ITGA8: variants seen among roughly 807,000 people sequenced by gnomAD.
ITGA8 encodes integrin subunit alpha 8.
ITGA8 carries 91 observed loss-of-function variants against 142.3 expected under a neutral mutation model. The observed-to-expected ratio is 0.64, with a 90% CI of 0.54 to 0.76. The LOEUF is 0.76. Ranked by LOEUF, ITGA8 falls within the 30% of genes least tolerant of loss-of-function variation. The probability of loss-of-function intolerance (pLI) is 0.00; values close to 1 mark genes in which losing one functional copy is unlikely to be tolerated. For synonymous variants in ITGA8, 505 were observed against 485.2 expected, an observed-to-expected ratio of 1.04 and a Z score of -0.54; for missense variants, 1,406 against 1,327.7, an observed-to-expected ratio of 1.06 and a Z score of -0.92.
intron 13 of ITGA8, among the ~76,000 whole-genome samples, chr10:15,626,920 G>A (rs1217949529): frequency 2.0e-5 from 3 of 152,228 alleles, no homozygotes; most frequent in African/African-American, 7.2e-5. Flanking sequence ...AGTCTGTGAT[G>A]TGTGATGGCA....
At chr10:15,527,906 CTTTTT>C (rs34758919) in intron 28 of ITGA8, among the ~76,000 whole-genome samples, 3 of 78,036 alleles carry the variant, frequency 3.8e-5, no homozygotes, top group East Asian at 4.6e-4. Flanking sequence ...TTCGGCTGGG[CTTTTT>C]TTTTTTTTTT....
intron 2 of ITGA8, among the ~76,000 whole-genome samples, chr10:15,696,545 C>T (rs529119565): frequency 4.6e-5 from 7 of 152,174 alleles, no homozygotes; most frequent in Non-Finnish European, 8.8e-5. Flanking sequence ...TAATAACTTA[C>T]CACTTGTCAC....
At chr10:15,617,364 T>A in intron 13 of ITGA8, among the ~76,000 whole-genome samples, 1 of 151,880 alleles carries the variant, frequency 6.6e-6, no homozygotes, top group South Asian at 2.1e-4. Context: ...TCACAATTAT[T>A]TAGGTGATTG....
At chr10:15,684,152 A>G in intron 3 of ITGA8, 25 bp from the exon 4 acceptor site, 2 of 1,596,626 alleles carry the variant, frequency 1.3e-6, no homozygotes, top group Non-Finnish European at 1.7e-6. Context: ...AGACAAAAAA[A>G]TACATTTTTG....
chr10:15,557,862 CT>C (rs1309349412), intron 26 of ITGA8, among the ~76,000 whole-genome samples: 14 of 152,210 alleles, frequency 9.2e-5, no homozygotes, highest in Admixed American at 7.2e-4. Context: ...TCCATGGCAG[CT>C]TTAGAAAAGT....
chr10:15,672,896 A>T, intron 6 of ITGA8, 147 bp from the exon 7 acceptor site: 1 of 788,588 alleles, frequency 1.3e-6, no homozygotes, highest in Non-Finnish European at 1.9e-6. Flanking sequence ...ACTCCAAGGC[A>T]GAGTTAGTTA....
At position 15,570,530 on chromosome 10, in the gene ITGA8, A is replaced by C. The variant is rs140274536; in HGVS notation, c.2637+1681T>G. ...GAGGCTGAGGCAGGAGAATTGCTTG[A>C]ACACAGGAAGTGGAGGTTGCAGTGA... On this transcript the variant is annotated intron_variant, in intron 25 of 29. Coordinates refer to ENST00000378076, the MANE Select transcript of ITGA8 (RefSeq NM_003638.3). 7.4e-3 allele frequency among the ~76,000 whole-genome samples: 1,119 copies of C among 151,698 alleles called. 25 individuals carry two copies. Among genetic ancestry groups the C allele is most frequent in the African/African-American group, 0.026 (1,079 of 41,316 alleles).
At chr10:15,694,678 C>CATATATATATATATATATATATATATAT (rs71374639) in intron 2 of ITGA8, among the ~76,000 whole-genome samples, 44 of 77,490 alleles carry the variant, frequency 5.7e-4, no homozygotes, top group South Asian at 9.1e-4. Context: ...TATTTGTCGA[C>CATATATATATATATATATATATATATAT]ATATATATAT....
At chr10:15,694,314 CAT>C (rs1373825008) in intron 2 of ITGA8, among the ~76,000 whole-genome samples, 1 of 94,724 alleles carries the variant, frequency 1.1e-5, no homozygotes, top group African/African-American at 3.9e-5. Context: ...GATAATATAT[CAT>C]ATATATGATA....
Position 15,719,837 on chromosome 10 carries a change from G to C in ITGA8, c.-66C>G. 3.4e-6 allele frequency: 4 copies of C among 1,191,666 alleles called. 1 individual carries two copies. The highest frequency in any genetic ancestry group is 4.3e-6 in the Non-Finnish European group (4 of 931,432). 73.8% of individuals were successfully genotyped at this position (1,191,666 alleles called of 1,614,324 possible). A position where few individuals can be genotyped will look rare whatever the true frequency, so the allele number is the denominator to read the frequency against. ...AGCCGAGGACCCCTGCGGGGCAAGG[G>C]GGGCTGGTGGAATCTGGCGGTCCCC... On this transcript the variant is annotated 5_prime_UTR_variant, in exon 1 of 30. Transcript: ENST00000378076.
At chr10:15,651,960 C>A (rs1394442277) in intron 11 of ITGA8, among the ~76,000 whole-genome samples, 1 of 152,014 alleles carries the variant, frequency 6.6e-6, no homozygotes, top group East Asian at 1.9e-4. Context: ...TCTGTGGGCA[C>A]CTTATCTTTA....
At chr10:15,568,782 AG>A (rs1233443496) in intron 25 of ITGA8, among the ~76,000 whole-genome samples, 1 of 152,256 alleles carries the variant, frequency 6.6e-6, no homozygotes, top group Non-Finnish European at 1.5e-5. Context: ...AACAATGTCC[AG>A]GACTGCTGCC....
chr10:15,652,053 A>G (rs758251376), intron 11 of ITGA8, among the ~76,000 whole-genome samples: 2 of 152,238 alleles, frequency 1.3e-5, no homozygotes, highest in Admixed American at 6.5e-5. Flanking sequence ...AAAAAATAGT[A>G]TGCATAGCAA....
At chr10:15,679,333 C>G (rs1834692389) in intron 4 of ITGA8, among the ~76,000 whole-genome samples, 1 of 152,058 alleles carries the variant, frequency 6.6e-6, no homozygotes, top group Non-Finnish European at 1.5e-5. Flanking sequence ...GCCTGTAATC[C>G]CAGCACTTTG....
rs191194569 is a variant in ITGA8, at chr10:15,558,858, A to G, written c.2638-656T>C. 2.8e-3 allele frequency among the ~76,000 whole-genome samples: 421 copies of G among 152,340 alleles called. 1 individual carries two copies. Among genetic ancestry groups the G allele is most frequent in the African/African-American group, 9.5e-3 (396 of 41,572 alleles). ...TTATCTCAGGTTCCATGCTGGGTCC[A>G]TCTGCTGGCTGGATAAATATTTTGA... On this transcript the variant is annotated intron_variant, in intron 25 of 29. Transcript: ENST00000378076.
intron 10 of ITGA8, among the ~76,000 whole-genome samples, chr10:15,657,531 T>TTTTTTTA (rs869085321): frequency 7.2e-6 from 1 of 139,554 alleles, no homozygotes; most frequent in Non-Finnish European, 1.6e-5. Flanking sequence ...TTTTTTTTTT[T>TTTTTTTA]AACAGAGACA....
At chr10:15,604,997 G>T (rs543737741) in intron 19 of ITGA8, among the ~76,000 whole-genome samples, 1 of 152,084 alleles carries the variant, frequency 6.6e-6, no homozygotes, top group Non-Finnish European at 1.5e-5. Context: ...TACTTAAAGC[G>T]ATTGCATTTG....
chr10:15,670,853 A>G (rs1027291217), intron 8 of ITGA8, among the ~76,000 whole-genome samples: 2 of 152,146 alleles, frequency 1.3e-5, no homozygotes, highest in South Asian at 2.1e-4. Context: ...TCGTTTCACT[A>G]TCAAAGTCTG....
At chr10:15,585,318 G>T (rs766018734) in intron 23 of ITGA8, among the ~76,000 whole-genome samples, 1 of 152,118 alleles carries the variant, frequency 6.6e-6, no homozygotes, top group East Asian at 1.9e-4. Context: ...TCCTTGTGCC[G>T]CAATTCCCTC....
Sources: allele counts gnomAD v4.1 joint callset (sites outside exome capture counted in the v4.1 genomes callset), GRCh38; gene constraint gnomAD v4.1.1; transcripts MANE v1.5; gene names NCBI Gene and HGNC (gene_info 2026-07-23, HGNC 2026-07-21).